CRK: variants seen among roughly 807,000 people sequenced by gnomAD.
CRK encodes the protein adapter molecule crk.
CRK carries 4 observed loss-of-function variants against 29.8 expected under a neutral mutation model. The observed-to-expected ratio is 0.13, with a 90% confidence interval of 0.07 to 0.31. The LOEUF (loss-of-function observed/expected upper bound fraction) is 0.31, where lower values mean the gene tolerates loss of function less well. Ranked by LOEUF, CRK falls within the 10% of genes least tolerant of loss-of-function variation. The pLI is 1.00. For synonymous variants in CRK, 153 were observed against 164.9 expected (o/e 0.93, Z 0.55); for missense variants, 274 against 396.5 (o/e 0.69, Z 2.62).
At chr17:1,440,953 G>A (rs561027477) in intron 1 of CRK, among the ~76,000 whole-genome samples, 24 of 152,266 alleles carry the variant, frequency 1.6e-4, no homozygotes, top group African/African-American at 5.8e-4. Context: ...CTTTGTTGTT[G>A]TCTTGTGACA....
At chr17:1,429,844 G>A (rs1171625188) in intron 2 of CRK, among the ~76,000 whole-genome samples, 1 of 151,510 alleles carries the variant, frequency 6.6e-6, no homozygotes, top group Admixed American at 6.6e-5. Context: ...GAGGTAGGGG[G>A]ATCACAAGCC....
At chr17:1,436,324 TGAG>T (rs1346309968) in intron 2 of CRK, among the ~76,000 whole-genome samples, 1 of 152,220 alleles carries the variant, frequency 6.6e-6, no homozygotes, top group Non-Finnish European at 1.5e-5. Context: ...AGGATGTAGA[TGAG>T]GAAAAACATT....
At chr17:1,448,816 G>A (rs975471972) in intron 1 of CRK, among the ~76,000 whole-genome samples, 4 of 151,876 alleles carry the variant, frequency 2.6e-5, no homozygotes, top group Non-Finnish European at 4.4e-5. Context: ...CAGGTGCGGT[G>A]GCTCACACCT....
intron 2 of CRK, among the ~76,000 whole-genome samples, chr17:1,431,705 A>G (rs2073846653): frequency 6.6e-6 from 1 of 152,106 alleles, no homozygotes; most frequent in Admixed American, 6.6e-5. Context: ...CTCCCATCTC[A>G]GTCACTAGAG....
At chr17:1,430,950 C>G (rs1182485692) in intron 2 of CRK, among the ~76,000 whole-genome samples, 1 of 151,818 alleles carries the variant, frequency 6.6e-6, no homozygotes, top group African/African-American at 2.4e-5. Context: ...CGCCTGTAGT[C>G]CCAGCTGCTA....
Position 1,423,195 on chromosome 17 carries a change from C to A in CRK, c.*318G>T. 2.0e-6 allele frequency: 1 copy of A among 490,112 alleles called. No homozygotes were observed. The highest frequency in any genetic ancestry group is 3.9e-5 in the South Asian group (1 of 25,568). 30.4% of individuals were successfully genotyped at this position (490,112 alleles called of 1,614,324 possible). On this transcript the variant is annotated 3_prime_UTR_variant, in exon 3 of 3. Coordinates refer to ENST00000300574, the MANE Select transcript of CRK (RefSeq NM_016823.4). The stretch of plus-strand genomic sequence containing the variant: ...GCAGTGTGTAACACTCCTTCCTGTC[C>A]ATCGGTTTTCCACAGGGTGATTTGC...
chr17:1,454,842 A>T (rs2074044184), intron 1 of CRK, among the ~76,000 whole-genome samples: 1 of 152,192 alleles, frequency 6.6e-6, no homozygotes, highest in South Asian at 2.1e-4. Context: ...TTCCCTTAAA[A>T]CAGTCCCAAA....
At chr17:1,434,499 T>C (rs958790596) in intron 2 of CRK, among the ~76,000 whole-genome samples, 7 of 152,038 alleles carry the variant, frequency 4.6e-5, no homozygotes, top group Non-Finnish European at 1.0e-4. Context: ...TTTCTAGAAA[T>C]TGGCCAGGCA....
chr17:1,437,294 C>T lies in CRK; in HGVS notation c.242-139G>A, dbSNP rs935479174. ...CTTGACCTCCGGGGCTCAAGTGATC[C>T]TCTCACCACAAACTCCTGAGTAGCT... is the stretch of plus-strand genomic sequence containing the variant. On this transcript the variant is annotated intron_variant, in intron 1 of 2. Coordinates refer to ENST00000300574, the MANE Select transcript of CRK (RefSeq NM_016823.4). The T allele has an allele frequency of 1.7e-5, 15 of 896,998 alleles. No homozygotes were observed. In the African/African-American group the frequency reaches 2.4e-4, roughly 14 times the overall value. The allele number at this position is 896,998 out of a possible 1,614,324, so 55.6% of individuals were successfully genotyped here.
chr17:1,450,918 C>A (rs962510151), intron 1 of CRK, among the ~76,000 whole-genome samples: 5 of 149,148 alleles, frequency 3.4e-5, no homozygotes, highest in African/African-American at 1.2e-4. Context: ...ATAGGCCGGG[C>A]GCGGTGGCTC....
At chr17:1,432,691 G>A (rs181572750) in intron 2 of CRK, among the ~76,000 whole-genome samples, 4 of 150,910 alleles carry the variant, frequency 2.7e-5, no homozygotes, top group South Asian at 4.2e-4. Flanking sequence ...GCAGGAGAAT[G>A]GCATGAGCCC....
chr17:1,436,397 G>A (rs1487248334), intron 2 of CRK, among the ~76,000 whole-genome samples: 1 of 152,154 alleles, frequency 6.6e-6, no homozygotes, highest in African/African-American at 2.4e-5. Context: ...GTGTTTAGTA[G>A]ATCAATTAAG....
chr17:1,451,144 G>A (rs1447498535), intron 1 of CRK, among the ~76,000 whole-genome samples: 1 of 135,564 alleles, frequency 7.4e-6, no homozygotes, highest in East Asian at 2.2e-4. Context: ...AGTGAGCCGA[G>A]GTCGTGCCAC....
chr17:1,445,225 T>C (rs2073966542), intron 1 of CRK, among the ~76,000 whole-genome samples: 1 of 152,150 alleles, frequency 6.6e-6, no homozygotes, highest in African/African-American at 2.4e-5. Flanking sequence ...TGAAAAGTCC[T>C]TCCGGTAGAA....
chr17:1,423,274 C>T lies in CRK; in HGVS notation c.*239G>A, dbSNP rs568498802. On this transcript the variant is annotated 3_prime_UTR_variant, in exon 3 of 3. Coordinates refer to ENST00000300574, the MANE Select transcript of CRK (RefSeq NM_016823.4). Reference sequence around the variant, plus strand: ...CTATCCCTTCTGATACACACAGGCACGACCACTACCGCCTCCAATTGCCAA... The same window carrying T: ...CTATCCCTTCTGATACACACAGGCATGACCACTACCGCCTCCAATTGCCAA... The T allele has an allele frequency of 1.8e-4, 103 of 571,700 alleles. 1 individual carries two copies. Among genetic ancestry groups the T allele is most frequent in the East Asian group, 1.8e-3 (60 of 34,006 alleles). 35.4% of individuals were successfully genotyped at this position (571,700 alleles called of 1,614,324 possible).
At chr17:1,430,947 A>G (rs944044584) in intron 2 of CRK, among the ~76,000 whole-genome samples, 1 of 151,882 alleles carries the variant, frequency 6.6e-6, no homozygotes, top group Admixed American at 6.6e-5. Flanking sequence ...AGGCGCCTGT[A>G]GTCCCAGCTG....
In CRK at chr17:1,440,556, G is replaced by A. The variant is rs1431018729; in HGVS notation, c.242-3401C>T. On this transcript the variant is annotated intron_variant, in intron 1 of 2. Coordinates refer to ENST00000300574, the MANE Select transcript of CRK (RefSeq NM_016823.4). ...GCACTTTGGGAGGCCAAGGCAGGAG[G>A]ACTGATTGAGGCCAGTAGTTCAAGA... Among the ~76,000 whole-genome samples, 8 of 152,106 alleles carry A rather than the reference G, an allele frequency of 5.3e-5. No homozygotes were observed. In the East Asian group the frequency reaches 1.3e-3, roughly 26 times the overall value.
chr17:1,446,585 T>C (rs1417684616), intron 1 of CRK, among the ~76,000 whole-genome samples: 1 of 138,642 alleles, frequency 7.2e-6, no homozygotes, highest in Non-Finnish European at 1.5e-5. Flanking sequence ...CTGGGCTCAC[T>C]ATGACTTTTT....
chr17:1,425,371 T>C (rs1276518747), intron 2 of CRK, among the ~76,000 whole-genome samples: 1 of 152,000 alleles, frequency 6.6e-6, no homozygotes, highest in African/African-American at 2.4e-5. Context: ...TGATTACAGG[T>C]GTGAGCCACC....
Sources: gnomAD v4.1 joint callset for allele counts (sites outside exome capture counted in the v4.1 genomes callset) on GRCh38, gnomAD v4.1.1 for gene constraint, MANE v1.5 for transcripts, NCBI Gene and HGNC (gene_info 2026-07-23, HGNC 2026-07-21) for gene names.